The following NUP210 variants were observed in gnomAD, a reference collection of about 807,000 sequenced individuals.
NUP210 encodes nuclear pore membrane glycoprotein 210.
Under a neutral mutation model 196.0 loss-of-function variants are expected in NUP210, and 151 were observed. The observed-to-expected ratio is 0.77, with a 90% CI of 0.67 to 0.88. The LOEUF (loss-of-function observed/expected upper bound fraction) is 0.88. Among genes scored for constraint, NUP210 ranks in the 40% least tolerant of loss-of-function variants. The probability of loss-of-function intolerance (pLI) is 0.00; values close to 1 mark genes in which losing one functional copy is unlikely to be tolerated. For missense variants in NUP210, 2,314 were observed against 2,493.7 expected, an observed-to-expected ratio of 0.93 and a Z score of 1.53; for synonymous variants, 1,070 against 1,052.7, an observed-to-expected ratio of 1.02 and a Z score of -0.32.
At chr3:13,355,134 A>G (rs1388939148) in intron 16 of NUP210, among the ~76,000 whole-genome samples, 1 of 152,208 alleles carries the variant, frequency 6.6e-6, no homozygotes, top group Non-Finnish European at 1.5e-5. Context: ...GGATTTAAAT[A>G]TGGGGACTGC....
chr3:13,365,917 G>T (rs759483426), intron 14 of NUP210, 29 bp downstream of exon 14: 4 of 1,612,616 alleles, frequency 2.5e-6, no homozygotes, highest in Admixed American at 3.3e-5. Flanking sequence ...TGGGCAGGGG[G>T]GTGGTAAAGG....
chr3:13,403,467 T>C (rs1465603073), intron 1 of NUP210, among the ~76,000 whole-genome samples: 1 of 152,124 alleles, frequency 6.6e-6, no homozygotes, highest in Non-Finnish European at 1.5e-5. Flanking sequence ...CTACCTCAAA[T>C]GCCATCGCCT....
At chr3:13,357,048 C>A (rs1428603830) in intron 16 of NUP210, among the ~76,000 whole-genome samples, 1 of 152,240 alleles carries the variant, frequency 6.6e-6, no homozygotes, top group African/African-American at 2.4e-5. Context: ...GGCTGCCTGT[C>A]CAGAGAGGAC....
intron 6 of NUP210, among the ~76,000 whole-genome samples, chr3:13,380,873 A>G (rs1040859966): frequency 2.6e-5 from 4 of 152,250 alleles, no homozygotes; most frequent in Admixed American, 6.5e-5. Flanking sequence ...ATGTGATCTA[A>G]TAAGTATCAA....
chr3:13,402,459 G>A (rs990838518), intron 1 of NUP210, among the ~76,000 whole-genome samples: 6 of 152,102 alleles, frequency 3.9e-5, no homozygotes, highest in African/African-American at 1.4e-4. Context: ...ATTAATCTCA[G>A]ACACAGGCCC....
chr3:13,345,142 T>G, intron 20 of NUP210: 5 of 985,436 alleles, frequency 5.1e-6, no homozygotes, highest in Non-Finnish European at 6.0e-6. Context: ...CTGCTCTGAG[T>G]AATTCTGGAT....
Position 13,339,889 on chromosome 3 carries a change from C to G in NUP210, c.3436G>C (p.Asp1146His). Reference sequence around the variant, plus strand: ...ATGACCACCTTGCCGGTCTCTGCATCCACTGCCTGCACGAGCCCAGACACA... The same window carrying G: ...ATGACCACCTTGCCGGTCTCTGCATGCACTGCCTGCACGAGCCCAGACACA... Reference protein sequence around the residue: ...GTVSGLVQAVDAETGKVVIIS... With the variant: ...GTVSGLVQAVHAETGKVVIIS... The change falls in exon 25 of 40, where the codon GAT becomes CAT. Residue 1146 changes from aspartate to histidine, a missense_variant. Physicochemically the swap from Asp to His is moderately conservative, Grantham distance 81 (BLOSUM62 -1). Coordinates refer to ENST00000254508, the MANE Select transcript of NUP210 (RefSeq NM_024923.4). 1 of 1,613,950 alleles carries G rather than the reference C, an allele frequency of 6.2e-7. No homozygotes were observed. The highest frequency in any genetic ancestry group is 1.3e-5 in the African/African-American group (1 of 75,072).
intron 30 of NUP210, among the ~76,000 whole-genome samples, chr3:13,329,276 G>A (rs370119011): frequency 6.6e-6 from 1 of 152,336 alleles, no homozygotes; most frequent in Non-Finnish European, 1.5e-5. Context: ...TTTCTTCAGA[G>A]AACCTGGCTC....
At chr3:13,398,893 C>T (rs1332806457) in intron 2 of NUP210, among the ~76,000 whole-genome samples, 1 of 152,144 alleles carries the variant, frequency 6.6e-6, no homozygotes, top group Non-Finnish European at 1.5e-5. Context: ...GTGTTGGAGT[C>T]ACTGCATTTC....
At position 13,317,503 on chromosome 3, in the gene NUP210, T is replaced by C. The variant is rs1696315071; in HGVS notation, c.*178A>G. 1 of 595,092 alleles carries C rather than the reference T, an allele frequency of 1.7e-6. No homozygotes were observed. Among genetic ancestry groups the C allele is most frequent in the Non-Finnish European group, 3.0e-6 (1 of 334,006 alleles). 36.9% of individuals were successfully genotyped at this position (595,092 alleles called of 1,614,324 possible). A position where few individuals can be genotyped will look rare whatever the true frequency, so the allele number is the denominator to read the frequency against. On this transcript the variant is annotated 3_prime_UTR_variant, in exon 40 of 40. Coordinates refer to ENST00000254508, the MANE Select transcript of NUP210 (RefSeq NM_024923.4). Reference sequence around the variant, plus strand: ...ACACATTTAAAACTCCTACATAAAATGAGCTAATGGGCAGAGCCGAAACTA... The same window carrying C: ...ACACATTTAAAACTCCTACATAAAACGAGCTAATGGGCAGAGCCGAAACTA...
chr3:13,386,248 G>T (rs1699268991), intron 6 of NUP210, 27 bp downstream of exon 6: 1 of 1,600,034 alleles, frequency 6.2e-7, no homozygotes, highest in Non-Finnish European at 8.5e-7. Flanking sequence ...GGAAGCATCT[G>T]TCATGATGGC....
At chr3:13,353,125 G>C (rs1313369690) in intron 18 of NUP210, among the ~76,000 whole-genome samples, 1 of 152,010 alleles carries the variant, frequency 6.6e-6, no homozygotes, top group Non-Finnish European at 1.5e-5. Context: ...AGCCTCCCCA[G>C]TGCTGCCCCC....
chr3:13,398,851 T>C (rs535017937), intron 2 of NUP210, among the ~76,000 whole-genome samples: 1 of 152,324 alleles, frequency 6.6e-6, no homozygotes, highest in East Asian at 1.9e-4. Context: ...GGAGGATTGC[T>C]TGAGTCCAGG....
intron 13 of NUP210, 106 bp downstream of exon 13, chr3:13,371,728 T>C (rs766227933): frequency 1.8e-5 from 18 of 1,020,636 alleles, no homozygotes; most frequent in Non-Finnish European, 2.6e-5. Context: ...GCAGCCCCTC[T>C]GCTGCCTCAA....
chr3:13,351,967 A>C lies in NUP210; in HGVS notation c.2747T>G (p.Ile916Ser). The C allele has an allele frequency of 1.9e-6, 3 of 1,611,360 alleles. No homozygotes were observed. Among genetic ancestry groups the C allele is most frequent in the Non-Finnish European group, 2.5e-6 (3 of 1,177,956 alleles). Reference protein sequence around the residue: ...NHPGIQAELRIREGSGYFFLN... With the variant: ...NHPGIQAELRSREGSGYFFLN... ...GAAGAAGTAACCTGAGCCTTCCCTG[A>C]TGCGGAGCTCTGCCTGCAGGAGGCA... The change falls in exon 20 of 40, where the codon ATC becomes AGC. Residue 916 changes from isoleucine (I) to serine (S), a missense_variant. Physicochemically the swap from Ile to Ser is moderately radical, Grantham distance 142. Coordinates refer to ENST00000254508, the MANE Select transcript of NUP210 (RefSeq NM_024923.4).
At chr3:13,327,049 G>A (rs750444140) in intron 32 of NUP210, among the ~76,000 whole-genome samples, 168 bp downstream of exon 32, 2 of 152,250 alleles carry the variant, frequency 1.3e-5, no homozygotes, top group African/African-American at 4.8e-5. Flanking sequence ...AACAGGCACA[G>A]GCTGGATCTG....
chr3:13,369,046 C>T (rs1360836407), intron 13 of NUP210, among the ~76,000 whole-genome samples: 1 of 152,350 alleles, frequency 6.6e-6, no homozygotes, highest in East Asian at 1.9e-4. Context: ...TTCACATACA[C>T]ACCAGCAGCA....
intron 2 of NUP210, 21 bp downstream of exon 2, chr3:13,399,704 C>G: frequency 6.2e-7 from 1 of 1,613,818 alleles, no homozygotes; most frequent in South Asian, 1.1e-5. Context: ...CCGGGGATCA[C>G]ACACAGCACT....
intron 6 of NUP210, among the ~76,000 whole-genome samples, chr3:13,381,788 A>AAGAC (rs1254787825): frequency 6.6e-6 from 1 of 152,006 alleles, no homozygotes. Flanking sequence ...ATTCTTCTAA[A>AAGAC]AGACATGATC....
Sources: allele counts gnomAD v4.1 joint callset (sites outside exome capture counted in the v4.1 genomes callset), GRCh38; gene constraint gnomAD v4.1.1; transcripts MANE v1.5; gene names NCBI Gene and HGNC (gene_info 2026-07-23, HGNC 2026-07-21).